COX7B2: variants seen among roughly 807,000 people sequenced by gnomAD.
COX7B2 encodes the protein cytochrome c oxidase subunit 7B2, also known as cytochrome c oxidase subunit 7B2, mitochondrial.
For missense variants in COX7B2, 109 were observed against 95.9 expected (o/e 1.14, Z -0.57); for synonymous variants, 37 against 32.1 (o/e 1.15, Z -0.51).
At chr4:46,844,264 T>C (rs899418265) in intron 2 of COX7B2, among the ~76,000 whole-genome samples, 1 of 151,982 alleles carries the variant, frequency 6.6e-6, no homozygotes, top group African/African-American at 2.4e-5. Flanking sequence ...TGTCATATTA[T>C]TGGCCATTAG....
intron 1 of COX7B2, among the ~76,000 whole-genome samples, chr4:46,880,771 C>T (rs1718666814): frequency 7.0e-6 from 1 of 142,600 alleles, no homozygotes; most frequent in African/African-American, 2.6e-5. Flanking sequence ...CATATTCTCA[C>T]TCATAGGTGG....
At chr4:46,762,253 A>C (rs948062519) in intron 2 of COX7B2, among the ~76,000 whole-genome samples, 48 of 138,164 alleles carry the variant, frequency 3.5e-4, no homozygotes, top group South Asian at 1.7e-3. Flanking sequence ...TTATATATTT[A>C]ATATATAATA....
At chr4:46,807,926 A>G (rs1719088860) in intron 2 of COX7B2, among the ~76,000 whole-genome samples, 1 of 151,688 alleles carries the variant, frequency 6.6e-6, no homozygotes, top group South Asian at 2.1e-4. Context: ...ATTGTTATAG[A>G]TTTGTAATAT....
chr4:46,830,385 T>C (rs1346462574), intron 2 of COX7B2, among the ~76,000 whole-genome samples: 2 of 148,828 alleles, frequency 1.3e-5, no homozygotes, highest in Admixed American at 6.7e-5. Flanking sequence ...ACAATGTATG[T>C]AGGAAAACTT....
chr4:46,897,512 G>C (rs1376462614), intron 1 of COX7B2, among the ~76,000 whole-genome samples: 1 of 152,130 alleles, frequency 6.6e-6, no homozygotes, highest in Non-Finnish European at 1.5e-5. Flanking sequence ...CTAATAAAGA[G>C]TACTTCATTG....
intron 2 of COX7B2, among the ~76,000 whole-genome samples, chr4:46,825,850 C>T (rs1714653818): frequency 6.6e-6 from 1 of 152,124 alleles, no homozygotes. Context: ...AAGCTGGACC[C>T]CTTCCTATAA....
intron 2 of COX7B2, among the ~76,000 whole-genome samples, chr4:46,764,142 G>A (rs1716383978): frequency 6.6e-6 from 1 of 152,154 alleles, no homozygotes; most frequent in African/African-American, 2.4e-5. Flanking sequence ...TAGCATAGTT[G>A]CTTATTATGT....
intron 2 of COX7B2, among the ~76,000 whole-genome samples, chr4:46,770,600 G>C (rs992153887): frequency 6.6e-6 from 1 of 151,774 alleles, no homozygotes; most frequent in Non-Finnish European, 1.5e-5. Flanking sequence ...AATCAAAATA[G>C]TATGGCCCTG....
chr4:46,768,925 A>G (rs1716708005), intron 2 of COX7B2, among the ~76,000 whole-genome samples: 1 of 152,084 alleles, frequency 6.6e-6, no homozygotes. Context: ...GACAACTATA[A>G]ATAACTACAC....
chr4:46,798,817 T>C (rs769570613), intron 2 of COX7B2, among the ~76,000 whole-genome samples: 3 of 152,158 alleles, frequency 2.0e-5, no homozygotes, highest in Admixed American at 6.5e-5. Context: ...TCTGAAGGCA[T>C]AAGTAAGTTA....
intron 2 of COX7B2, among the ~76,000 whole-genome samples, chr4:46,769,423 A>C (rs1219412438): frequency 6.6e-6 from 1 of 152,222 alleles, no homozygotes. Flanking sequence ...CAATAATATG[A>C]TATATCACAT....
At chr4:46,797,132 C>G (rs1718404285) in intron 2 of COX7B2, among the ~76,000 whole-genome samples, 2 of 123,740 alleles carry the variant, frequency 1.6e-5, no homozygotes, top group Non-Finnish European at 3.2e-5. Flanking sequence ...AAAGGAGAGT[C>G]AGGGTTATCT....
intron 2 of COX7B2, among the ~76,000 whole-genome samples, chr4:46,756,223 A>T (rs1010624335): frequency 6.6e-6 from 1 of 152,090 alleles, no homozygotes; most frequent in Non-Finnish European, 1.5e-5. Context: ...AGGACATCCT[A>T]TTCAATAATG....
At chr4:46,884,602 A>G (rs1329968541) in intron 1 of COX7B2, among the ~76,000 whole-genome samples, 1 of 152,116 alleles carries the variant, frequency 6.6e-6, no homozygotes, top group Non-Finnish European at 1.5e-5. Flanking sequence ...TTATGCTATC[A>G]AGTACCAGCA....
intron 2 of COX7B2, among the ~76,000 whole-genome samples, chr4:46,803,523 T>C (rs1454050232): frequency 6.6e-6 from 1 of 152,158 alleles, no homozygotes; most frequent in Admixed American, 6.5e-5. Context: ...GAAAATATCT[T>C]AAGGTAATGT....
chr4:46,881,748 C>T (rs1359973780), intron 1 of COX7B2, among the ~76,000 whole-genome samples: 3 of 152,176 alleles, frequency 2.0e-5, no homozygotes, highest in Non-Finnish European at 4.4e-5. Context: ...GAATGGGAGG[C>T]ATGTTTGCCC....
chr4:46,903,046 A>G (rs897284394), intron 1 of COX7B2, among the ~76,000 whole-genome samples: 6 of 152,196 alleles, frequency 3.9e-5, no homozygotes, highest in Non-Finnish European at 8.8e-5. Context: ...AATTCCAAGA[A>G]TATAATTCTA....
chr4:46,752,653 CT>C (rs1419671447), intron 2 of COX7B2, among the ~76,000 whole-genome samples: 2 of 152,108 alleles, frequency 1.3e-5, no homozygotes, highest in East Asian at 3.9e-4. Flanking sequence ...TGTCAAAAGC[CT>C]TTTCTCCATC....
chr4:46,753,610 C>T (rs1210835993), intron 2 of COX7B2, among the ~76,000 whole-genome samples: 1 of 151,948 alleles, frequency 6.6e-6, no homozygotes, highest in East Asian at 1.9e-4. Flanking sequence ...CATAAAAACC[C>T]TAGAAGAAAA....
Sources: gnomAD v4.1 joint callset for allele counts (sites outside exome capture counted in the v4.1 genomes callset) on GRCh38, gnomAD v4.1.1 for gene constraint, MANE v1.5 for transcripts, NCBI Gene and HGNC (gene_info 2026-07-23, HGNC 2026-07-21) for gene names.